The following ABHD4 variants were observed in gnomAD, a reference collection of about 807,000 sequenced individuals.
ABHD4 encodes the protein abhydrolase domain containing 4, N-acyl phospholipase B.
Under a neutral mutation model 42.3 loss-of-function variants are expected in ABHD4, and 35 were observed. The ratio of observed to expected loss-of-function variants is 0.83; its 90% CI spans 0.63 to 1.10. The LOEUF (loss-of-function observed/expected upper bound fraction) is 1.10, where lower values mean the gene tolerates loss of function less well. ABHD4 is among the 50% of genes least tolerant of loss of function. The pLI, the probability that ABHD4 is intolerant of heterozygous loss-of-function variation, is 0.00. For synonymous variants in ABHD4, 169 were observed against 170.6 expected (o/e 0.99, Z 0.07); for missense variants, 389 against 454.8 (o/e 0.86, Z 1.32).
At chr14:22,605,778 C>T (rs753608599) in intron 4 of ABHD4, 6 of 1,286,858 alleles carry the variant, frequency 4.7e-6, no homozygotes, top group Middle Eastern at 4.2e-4. Flanking sequence ...TCTTGCTTCT[C>T]ATAAACAGAG....
intron 2 of ABHD4, 65 bp downstream of exon 2, chr14:22,601,820 C>T: frequency 7.1e-7 from 1 of 1,415,932 alleles, no homozygotes; most frequent in Non-Finnish European, 1.0e-6. Flanking sequence ...AGGATCTTCC[C>T]AGAGCCTGCT....
At chr14:22,605,978 A>G in intron 4 of ABHD4, 6 of 545,092 alleles carry the variant, frequency 1.1e-5, no homozygotes, top group South Asian at 9.6e-5. Flanking sequence ...ACAGGCCTGA[A>G]AATGAGAGCG....
intron 5 of ABHD4, among the ~76,000 whole-genome samples, chr14:22,607,752 A>G (rs2037365984): frequency 6.6e-6 from 1 of 152,146 alleles, no homozygotes; most frequent in Non-Finnish European, 1.5e-5. Flanking sequence ...TCCCCATCCC[A>G]GACCTAGTTC....
intron 5 of ABHD4, among the ~76,000 whole-genome samples, chr14:22,609,173 T>A (rs1001919628): frequency 1.3e-5 from 2 of 150,772 alleles, no homozygotes; most frequent in East Asian, 3.9e-4. Flanking sequence ...AATTTTTGTA[T>A]TTTTAGTAGA....
intron 1 of ABHD4, among the ~76,000 whole-genome samples, chr14:22,600,982 A>G (rs553615131): frequency 6.6e-6 from 1 of 152,250 alleles, no homozygotes; most frequent in South Asian, 2.1e-4. Flanking sequence ...ATGTCATTAG[A>G]GGTGAGGACA....
At position 22,609,809 on chromosome 14, in the gene ABHD4, G is replaced by C. The variant is rs772494758; in HGVS notation, c.838G>C (p.Asp280His). The C allele has an allele frequency of 2.3e-5, 37 of 1,614,182 alleles. No individual in the cohort carries two copies. The highest frequency in any genetic ancestry group is 2.9e-5 in the Non-Finnish European group (34 of 1,180,030). ...MLERIHLIRKDVPITMIYGSD... is the reference protein window; with the variant it reads ...MLERIHLIRKHVPITMIYGSD... Reference sequence around the variant, plus strand: ...GGAGCGAATTCACTTGATTCGAAAAGATGTGCCTATCACTATGATCTACGG... The same window carrying C: ...GGAGCGAATTCACTTGATTCGAAAACATGTGCCTATCACTATGATCTACGG... The change falls in exon 6 of 7, where the codon GAT becomes CAT. Residue 280 changes from aspartate to histidine, a missense_variant. Coordinates refer to ENST00000428304, the MANE Select transcript of ABHD4 (RefSeq NM_022060.3).
intron 1 of ABHD4, 191 bp downstream of exon 1, chr14:22,598,520 G>A (rs966576289): frequency 5.3e-6 from 8 of 1,500,096 alleles, no homozygotes; most frequent in Non-Finnish European, 7.2e-6. Flanking sequence ...GCTGAGCCTG[G>A]GGAGCCATGG....
chr14:22,610,198 T>C (rs1057132451), intron 6 of ABHD4, among the ~76,000 whole-genome samples: 2 of 152,134 alleles, frequency 1.3e-5, no homozygotes, highest in African/African-American at 4.8e-5. Flanking sequence ...GCTGGGATTA[T>C]TAGCATGCGC....
At chr14:22,602,217 C>T (rs2037293600) in intron 2 of ABHD4, among the ~76,000 whole-genome samples, 1 of 152,178 alleles carries the variant, frequency 6.6e-6, no homozygotes, top group South Asian at 2.1e-4. Context: ...TATCTGGTTA[C>T]CACAGTAGTT....
At chr14:22,606,896 A>C (rs925549861) in intron 5 of ABHD4, among the ~76,000 whole-genome samples, 3 of 152,152 alleles carry the variant, frequency 2.0e-5, no homozygotes, top group Admixed American at 6.5e-5. Context: ...GGTCAAAAAT[A>C]ATTAGCAAAA....
At chr14:22,601,969 A>C (rs1391388475) in intron 2 of ABHD4, among the ~76,000 whole-genome samples, 1 of 152,126 alleles carries the variant, frequency 6.6e-6, no homozygotes, top group East Asian at 1.9e-4. Flanking sequence ...AGCCATGTGG[A>C]TAGTTCCTGC....
At chr14:22,602,723 C>T (rs995802189) in intron 2 of ABHD4, among the ~76,000 whole-genome samples, 2 of 152,128 alleles carry the variant, frequency 1.3e-5, no homozygotes, top group Non-Finnish European at 2.9e-5. Context: ...AAGACGGTCC[C>T]GCTTATTATG....
Position 22,606,543 on chromosome 14 carries a change from G to C in ABHD4, c.752+10G>C, listed in dbSNP as rs529638832. On this transcript the variant is annotated intron_variant, in intron 5 of 6. Transcript: ENST00000428304. ...ACGCACAGAATCCCAGGTGAGGGCCGCTCCCCAGGCCAGCTTGGGGCAGAC... is the reference window on the plus strand; with the variant it reads ...ACGCACAGAATCCCAGGTGAGGGCCCCTCCCCAGGCCAGCTTGGGGCAGAC... 1.9e-6 allele frequency: 3 copies of C among 1,581,294 alleles called. No individual in the cohort carries two copies. The highest frequency in any genetic ancestry group is 2.7e-5 in the African/African-American group (2 of 74,358).
In ABHD4 at chr14:22,609,804, G is replaced by A. The variant is rs746220551; in HGVS notation, c.833G>A (p.Arg278Gln). The change falls in exon 6 of 7, where the codon CGA (arginine) becomes CAA (glutamine). Residue 278 changes from arginine (R) to glutamine (Q), a missense_variant. By Grantham distance (43) the Arg-to-Gln change is conservative (BLOSUM62 1). This residue lies in a region of ABHD4 where 249 missense variants were observed against 254.4 expected (regional missense o/e 0.98). Coordinates refer to ENST00000428304, the MANE Select transcript of ABHD4 (RefSeq NM_022060.3). ...RPMLERIHLI[R>Q]KDVPITMIYG... ...ATGCTGGAGCGAATTCACTTGATTC[G>A]AAAAGATGTGCCTATCACTATGATC... 2.2e-5 allele frequency: 35 copies of A among 1,613,976 alleles called. No homozygotes were observed. The East Asian group carries it at 2.2e-4, about 10-fold the overall frequency.
chr14:22,599,542 C>T (rs949420274), intron 1 of ABHD4, among the ~76,000 whole-genome samples: 1 of 152,244 alleles, frequency 6.6e-6, no homozygotes, highest in Non-Finnish European at 1.5e-5. Flanking sequence ...GTTTTGAGCA[C>T]ATACAGTGTG....
intron 6 of ABHD4, among the ~76,000 whole-genome samples, chr14:22,610,422 G>GC (rs2037399819): frequency 6.6e-6 from 1 of 152,112 alleles, no homozygotes; most frequent in South Asian, 2.1e-4. Context: ...TGCTACTCCA[G>GC]CCCCCATGTA....
intron 5 of ABHD4, 163 bp from the exon 6 acceptor site, chr14:22,609,561 C>T (rs1379023921): frequency 6.0e-6 from 4 of 667,780 alleles, no homozygotes; most frequent in African/African-American, 3.6e-5. Flanking sequence ...GATGGGAGGC[C>T]TCTGGAATTT....
At chr14:22,598,471 G>T (rs1231253201) in intron 1 of ABHD4, 142 bp downstream of exon 1, 18 of 1,536,998 alleles carry the variant, frequency 1.2e-5, no homozygotes, top group Non-Finnish European at 1.5e-5. Flanking sequence ...CGGGGGGTGG[G>T]TGCGTTGCTT....
At chr14:22,605,737 G>A (rs1481606203) in intron 4 of ABHD4, 2 of 1,070,818 alleles carry the variant, frequency 1.9e-6, no homozygotes, top group African/African-American at 1.6e-5. Context: ...GATCCTCATG[G>A]CACCCCCAAC....
Sources: allele counts gnomAD v4.1 joint callset (sites outside exome capture counted in the v4.1 genomes callset), GRCh38; gene constraint gnomAD v4.1.1; regional missense constraint gnomAD v4.1.1; transcripts MANE v1.5; gene names NCBI Gene and HGNC (gene_info 2026-07-23, HGNC 2026-07-21).